FBXO16: variants seen among roughly 807,000 people sequenced by gnomAD.
The protein encoded by FBXO16 is F-box only protein 16.
FBXO16 carries 31 observed loss-of-function variants against 41.0 expected under a neutral mutation model. That is an observed-to-expected ratio of 0.76 (90% CI 0.57 to 1.02). FBXO16 has a LOEUF of 1.02. FBXO16 is among the 50% of genes least tolerant of loss of function. The probability of loss-of-function intolerance (pLI) is 0.00; values close to 1 mark genes in which losing one functional copy is unlikely to be tolerated. For missense variants in FBXO16, 361 were observed against 346.2 expected, an observed-to-expected ratio of 1.04 and a Z score of -0.34; for synonymous variants, 133 against 117.8, an observed-to-expected ratio of 1.13 and a Z score of -0.84.
At chr8:28,476,259 G>A (rs551383385) in intron 2 of FBXO16, among the ~76,000 whole-genome samples, 23 of 152,290 alleles carry the variant, frequency 1.5e-4, no homozygotes, top group African/African-American at 5.3e-4. Flanking sequence ...ACGAGACAAA[G>A]TCTAAACAGA....
At chr8:28,464,196 A>C (rs934308368) in intron 3 of FBXO16, among the ~76,000 whole-genome samples, 1 of 152,252 alleles carries the variant, frequency 6.6e-6, no homozygotes, top group African/African-American at 2.4e-5. Flanking sequence ...AGTGCTTAAA[A>C]CAGCAGGACC....
rs369034120 is a variant in FBXO16 at position 28,456,820 on chromosome 8, G to T, written c.453C>A (p.Ile151=). 6.2e-5 allele frequency: 100 copies of T among 1,613,966 alleles called. No individual in the cohort carries two copies. The highest frequency in any genetic ancestry group is 8.1e-5 in the Non-Finnish European group (96 of 1,180,016). The change falls in exon 5 of 9, where the codon ATC becomes ATA. Residue 151 remains isoleucine (I), a synonymous_variant. Coordinates refer to ENST00000380254, the MANE Select transcript of FBXO16 (RefSeq NM_172366.4). ...CCATTTGAATATAGTGCTTCTTCCAGATCCCCTGCTCAAAGGGAGTTGGAG... is the reference window on the plus strand; with the variant it reads ...CCATTTGAATATAGTGCTTCTTCCATATCCCCTGCTCAAAGGGAGTTGGAG... ...NFSPTPFEQG[I]WKKHYIQMVK... is the part of the protein sequence containing the mutation.
At chr8:28,447,887 G>T (rs1802891509) in intron 6 of FBXO16, among the ~76,000 whole-genome samples, 1 of 152,214 alleles carries the variant, frequency 6.6e-6, no homozygotes, top group African/African-American at 2.4e-5. Flanking sequence ...CCAGGAAGTA[G>T]AGGTTGTAGT....
At chr8:28,447,356 T>A (rs956495228) in intron 6 of FBXO16, 83 bp from the exon 7 acceptor site, 1 of 1,190,318 alleles carries the variant, frequency 8.4e-7, no homozygotes, top group South Asian at 1.3e-5. Context: ...TCTGTTTGAG[T>A]TTGTTGTTCC....
chr8:28,457,020 T>C (rs1803050731), intron 4 of FBXO16, 90 bp from the exon 5 acceptor site: 6 of 1,423,434 alleles, frequency 4.2e-6, no homozygotes, highest in South Asian at 1.5e-5. Flanking sequence ...GCTGTCATCC[T>C]GGACCTGAGA....
chr8:28,482,565 G>A (rs1292624105), intron 2 of FBXO16, among the ~76,000 whole-genome samples: 1 of 151,950 alleles, frequency 6.6e-6, no homozygotes, highest in African/African-American at 2.4e-5. Context: ...CTTTGTTGTT[G>A]TTGTTCTTAT....
At chr8:28,443,611 G>A (rs964032880) in intron 7 of FBXO16, among the ~76,000 whole-genome samples, 8 of 152,080 alleles carry the variant, frequency 5.3e-5, no homozygotes, top group African/African-American at 1.2e-4. Context: ...TTTGAACCAG[G>A]GCAACTCCAT....
At chr8:28,483,895 G>A (rs1014340536) in intron 1 of FBXO16, among the ~76,000 whole-genome samples, 8 of 152,268 alleles carry the variant, frequency 5.3e-5, no homozygotes, top group South Asian at 2.1e-4. Flanking sequence ...GAGGGAATGC[G>A]GTGGGAAGAG....
chr8:28,435,034 G>A (rs1802667139), intron 7 of FBXO16, among the ~76,000 whole-genome samples: 2 of 152,238 alleles, frequency 1.3e-5, no homozygotes, highest in African/African-American at 4.8e-5. Flanking sequence ...GTCGTGTGGG[G>A]CAGCTGCCCT....
At chr8:28,430,149 T>A (rs1802585678) in intron 7 of FBXO16, among the ~76,000 whole-genome samples, 1 of 152,208 alleles carries the variant, frequency 6.6e-6, no homozygotes, top group African/African-American at 2.4e-5. Flanking sequence ...CACAGCTCAC[T>A]GCAGCCTTGA....
chr8:28,454,142 G>C (rs1802999050), intron 5 of FBXO16, among the ~76,000 whole-genome samples: 1 of 151,898 alleles, frequency 6.6e-6, no homozygotes, highest in South Asian at 2.1e-4. Flanking sequence ...CTCCAGCCTG[G>C]GCGACAGAGT....
chr8:28,484,159 C>G (rs1056100881), intron 1 of FBXO16, among the ~76,000 whole-genome samples: 1 of 152,164 alleles, frequency 6.6e-6, no homozygotes, highest in Non-Finnish European at 1.5e-5. Context: ...TAAGGACATA[C>G]TATATTGGCC....
At chr8:28,436,405 G>C (rs139717035) in intron 7 of FBXO16, among the ~76,000 whole-genome samples, 158 of 152,358 alleles carry the variant, frequency 1.0e-3, no homozygotes, top group African/African-American at 3.5e-3. Flanking sequence ...CAAGGTGTTA[G>C]AAAGAAATAA....
chr8:28,431,987 C>T (rs1368484755), intron 7 of FBXO16, among the ~76,000 whole-genome samples: 1 of 146,794 alleles, frequency 6.8e-6, no homozygotes, highest in Non-Finnish European at 1.5e-5. Flanking sequence ...TTGTCTACTT[C>T]CAGTGATACT....
intron 2 of FBXO16, among the ~76,000 whole-genome samples, chr8:28,478,821 C>CAAAAA (rs35959759): frequency 1.7e-5 from 2 of 117,814 alleles, no homozygotes; most frequent in African/African-American, 6.5e-5. Flanking sequence ...ATTCTGTCTC[C>CAAAAA]AAAAAAAAAA....
chr8:28,469,295 A>T (rs919218721), intron 3 of FBXO16, among the ~76,000 whole-genome samples: 1 of 151,892 alleles, frequency 6.6e-6, no homozygotes, highest in Non-Finnish European at 1.5e-5. Context: ...CCTGGGCAAC[A>T]AGAGCGAAAC....
At chr8:28,462,932 C>T (rs1320926476) in intron 4 of FBXO16, among the ~76,000 whole-genome samples, 1 of 152,196 alleles carries the variant, frequency 6.6e-6, no homozygotes, top group Non-Finnish European at 1.5e-5. Context: ...CAGCTGAATG[C>T]TGTGCAGTAT....
At chr8:28,487,758 A>G (rs1430718960) in intron 1 of FBXO16, among the ~76,000 whole-genome samples, 2 of 151,932 alleles carry the variant, frequency 1.3e-5, no homozygotes, top group African/African-American at 2.4e-5. Context: ...AAAATAAAGC[A>G]AGTTGTCATC....
intron 2 of FBXO16, among the ~76,000 whole-genome samples, chr8:28,481,442 C>T (rs1803511002): frequency 6.6e-6 from 1 of 152,072 alleles, no homozygotes; most frequent in South Asian, 2.1e-4. Context: ...CATATGGAGG[C>T]AAGGGAGCGT....
Sources: gnomAD v4.1 joint callset for allele counts (sites outside exome capture counted in the v4.1 genomes callset) on GRCh38, gnomAD v4.1.1 for gene constraint, MANE v1.5 for transcripts, NCBI Gene and HGNC (gene_info 2026-07-23, HGNC 2026-07-21) for gene names.